SMAD9: variants seen among roughly 807,000 people sequenced by gnomAD.
SMAD9 encodes the protein MAD homolog 9.
Under a neutral mutation model 46.1 loss-of-function variants are expected in SMAD9, and 36 were observed. The observed-to-expected ratio is 0.78, with a 90% CI of 0.60 to 1.03. The LOEUF (loss-of-function observed/expected upper bound fraction) is 1.03, where lower values mean the gene tolerates loss of function less well. Among genes scored for constraint, SMAD9 ranks in the 50% least tolerant of loss-of-function variants. The pLI, the probability that SMAD9 is intolerant of heterozygous loss-of-function variation, is 0.00. For missense variants in SMAD9, 572 were observed against 599.8 expected (o/e 0.95, Z 0.48); for synonymous variants, 245 against 237.1 (o/e 1.03, Z -0.31).
intron 6 of SMAD9, among the ~76,000 whole-genome samples, chr13:36,850,866 C>A (rs561804460): frequency 2.6e-5 from 4 of 152,218 alleles, no homozygotes; most frequent in African/African-American, 9.6e-5. Flanking sequence ...ATTACACCTG[C>A]GTCTTCTCCA....
intron 1 of SMAD9, among the ~76,000 whole-genome samples, chr13:36,911,989 T>C (rs1335545400): frequency 6.6e-6 from 1 of 152,308 alleles, no homozygotes; most frequent in East Asian, 1.9e-4. Flanking sequence ...ATTGCAGGTG[T>C]GAGCCACCGC....
intron 1 of SMAD9, among the ~76,000 whole-genome samples, chr13:36,889,824 C>G (rs1002135988): frequency 6.6e-6 from 1 of 152,006 alleles, no homozygotes; most frequent in Non-Finnish European, 1.5e-5. Flanking sequence ...AATGATTGCC[C>G]TTAAAAAGAA....
intron 3 of SMAD9, among the ~76,000 whole-genome samples, chr13:36,871,326 T>C (rs1293558166): frequency 6.6e-6 from 1 of 152,174 alleles, no homozygotes; most frequent in Admixed American, 6.5e-5. Context: ...GAGACCAGCC[T>C]GGCCAACATG....
intron 4 of SMAD9, among the ~76,000 whole-genome samples, chr13:36,866,721 C>A (rs1566019404): frequency 6.6e-6 from 1 of 152,146 alleles, no homozygotes; most frequent in Admixed American, 6.5e-5. Context: ...GAACAGTAGC[C>A]TCCGCATTAC....
intron 3 of SMAD9, 123 bp downstream of exon 3, chr13:36,872,535 T>C: frequency 8.6e-7 from 1 of 1,168,186 alleles, no homozygotes; most frequent in Non-Finnish European, 1.3e-6. Context: ...GGCTGATTGC[T>C]TTGTAAACTG....
intron 1 of SMAD9, among the ~76,000 whole-genome samples, chr13:36,905,280 C>T (rs938677337): frequency 1.2e-4 from 19 of 152,140 alleles, no homozygotes; most frequent in African/African-American, 4.3e-4. Context: ...TGTTTTACCC[C>T]ACTCCCATTC....
intron 6 of SMAD9, chr13:36,852,279 A>C: frequency 1.0e-6 from 1 of 983,862 alleles, no homozygotes; most frequent in Non-Finnish European, 1.2e-6. Context: ...ACTTTGAAAA[A>C]AATGCCTGGA....
chr13:36,914,998 TTC>T (rs1273564197), intron 1 of SMAD9, among the ~76,000 whole-genome samples: 1 of 152,242 alleles, frequency 6.6e-6, no homozygotes, highest in Non-Finnish European at 1.5e-5. Context: ...TTTGATAGGC[TTC>T]TAAGCACTTT....
chr13:36,908,634 A>C (rs1307286596), intron 1 of SMAD9, among the ~76,000 whole-genome samples: 2 of 152,234 alleles, frequency 1.3e-5, no homozygotes, highest in African/African-American at 4.8e-5. Flanking sequence ...CATTTTAAAA[A>C]TACATCATCA....
At chr13:36,874,662 C>G (rs2058328292) in intron 2 of SMAD9, among the ~76,000 whole-genome samples, 1 of 151,868 alleles carries the variant, frequency 6.6e-6, no homozygotes, top group Non-Finnish European at 1.5e-5. Context: ...TCGAGACCAT[C>G]CTGGCTAACA....
chr13:36,860,021 T>A (rs1338352967), intron 5 of SMAD9, among the ~76,000 whole-genome samples: 1 of 152,132 alleles, frequency 6.6e-6, no homozygotes, highest in Non-Finnish European at 1.5e-5. Context: ...CCAGTAGCCC[T>A]GGTGGCTGCT....
rs678037 is a variant in SMAD9, at chr13:36,865,932, C to T, written c.782-174G>A. On this transcript the variant is annotated intron_variant, in intron 4 of 6. Transcript: ENST00000379826. ...AGCTCTCATGGGAGCTGTTTGGGGCCGGCTCATTTCACTAGCACACCTGAG... is the reference window on the plus strand; with the variant it reads ...AGCTCTCATGGGAGCTGTTTGGGGCTGGCTCATTTCACTAGCACACCTGAG... Among the ~76,000 whole-genome samples the T allele has an allele frequency of 0.098, 14,898 of 152,148 alleles. 1,755 individuals are homozygous for T. Among genetic ancestry groups the T allele is most frequent in the African/African-American group, 0.28 (11,642 of 41,454 alleles).
At chr13:36,864,064 A>G (rs523458) in intron 5 of SMAD9, among the ~76,000 whole-genome samples, 33,697 of 152,154 alleles carry the variant, frequency 0.22, 4,775 homozygotes, top group African/African-American at 0.4. Flanking sequence ...AAAGCTCCTC[A>G]GCAAACTGCT....
intron 1 of SMAD9, among the ~76,000 whole-genome samples, chr13:36,902,597 G>C (rs542899807): frequency 8.5e-4 from 129 of 151,968 alleles, no homozygotes; most frequent in Non-Finnish European, 1.6e-3. Context: ...GAGACTATAG[G>C]TGCCCGCCAC....
intron 1 of SMAD9, among the ~76,000 whole-genome samples, chr13:36,909,246 T>C (rs775384355): frequency 6.6e-6 from 1 of 152,234 alleles, no homozygotes; most frequent in Non-Finnish European, 1.5e-5. Context: ...GGAAGTAGAA[T>C]GGGCATTAAA....
At chr13:36,886,864 G>A (rs1000334865) in intron 1 of SMAD9, among the ~76,000 whole-genome samples, 1 of 151,958 alleles carries the variant, frequency 6.6e-6, no homozygotes, top group Non-Finnish European at 1.5e-5. Flanking sequence ...GCACAGGGGT[G>A]GAGAGAATTC....
chr13:36,855,753 C>T (rs681350), intron 5 of SMAD9, among the ~76,000 whole-genome samples: 4,019 of 152,202 alleles, frequency 0.026, 199 homozygotes, highest in African/African-American at 0.092. Flanking sequence ...TACATCCCAC[C>T]ATATTTATTG....
At chr13:36,877,193 C>T (rs2058353223) in intron 2 of SMAD9, among the ~76,000 whole-genome samples, 1 of 152,036 alleles carries the variant, frequency 6.6e-6, no homozygotes, top group Admixed American at 6.6e-5. Flanking sequence ...GAAACCCCGT[C>T]TCTACTAAAA....
chr13:36,860,004 T>C (rs2058165060), intron 5 of SMAD9, among the ~76,000 whole-genome samples: 1 of 151,818 alleles, frequency 6.6e-6, no homozygotes, highest in South Asian at 2.1e-4. Flanking sequence ...ACCATAAAAA[T>C]AGGCAACCAG....
Sources: gnomAD v4.1 joint callset for allele counts (sites outside exome capture counted in the v4.1 genomes callset) on GRCh38, gnomAD v4.1.1 for gene constraint, MANE v1.5 for transcripts, NCBI Gene and HGNC (gene_info 2026-07-23, HGNC 2026-07-21) for gene names.